Variants in HERC1 observed in about 807,000 individuals in gnomAD.
HERC1 encodes probable E3 ubiquitin-protein ligase HERC1.
In HERC1, 160 loss-of-function variants were observed where a neutral mutation model predicts 554.3. The ratio of observed to expected loss-of-function variants is 0.29; its 90% CI spans 0.25 to 0.33. The LOEUF is 0.33. HERC1 is among the 10% of genes least tolerant of loss of function. HERC1 has a pLI of 1.00. For synonymous variants in HERC1, 2,175 were observed against 2,131.7 expected, an observed-to-expected ratio of 1.02 and a Z score of -0.56; for missense variants, 4,919 against 5,918.5, an observed-to-expected ratio of 0.83 and a Z score of 5.54.
At chr15:63,675,151 C>T (rs751828620) in intron 37 of HERC1, 34 bp from the exon 38 acceptor site, 4 of 1,528,300 alleles carry the variant, frequency 2.6e-6, no homozygotes, top group South Asian at 2.5e-5. Context: ...CAGGAAGAAG[C>T]AAGTGAGGGA....
rs746800086 is a variant in HERC1 at position 63,630,451 on chromosome 15, A to T, written c.12966+15T>A. 1.0e-5 allele frequency: 16 copies of T among 1,603,332 alleles called. No individual in the cohort carries two copies. Among genetic ancestry groups the T allele is most frequent in the Middle Eastern group, 1.7e-4 (1 of 6,008 alleles). ...TCTAGAATATGAGAAAGCAGCAAGCAATATAAATATTTACCTGCCCTTCTG... is the reference window on the plus strand; with the variant it reads ...TCTAGAATATGAGAAAGCAGCAAGCTATATAAATATTTACCTGCCCTTCTG... On this transcript the variant is annotated intron_variant, in intron 69 of 77. Transcript: ENST00000443617.
In HERC1 at chr15:63,756,307, G is replaced by A; in HGVS notation, c.1533+130C>T. On this transcript the variant is annotated intron_variant, in intron 5 of 77. Transcript: ENST00000443617. The surrounding 1 kb of genome is among the most constrained non-coding windows in gnomAD (Gnocchi z 5.0). ...AAGGTGTTCTGTAAACTGTAAAGCAGAGATACAAAAGATTAAGCCAAAGGG... is the reference window on the plus strand; with the variant it reads ...AAGGTGTTCTGTAAACTGTAAAGCAAAGATACAAAAGATTAAGCCAAAGGG... 1.5e-6 allele frequency: 1 copy of A among 687,470 alleles called. No homozygotes were observed. Among genetic ancestry groups the A allele is most frequent in the Non-Finnish European group, 2.6e-6 (1 of 391,766 alleles). 42.6% of individuals were successfully genotyped at this position (687,470 alleles called of 1,614,324 possible).
At position 63,654,291 on chromosome 15, in the gene HERC1, C is replaced by G; in HGVS notation, c.10118G>C (p.Cys3373Ser). The G allele has an allele frequency of 6.2e-7, 1 of 1,613,812 alleles. No homozygotes were observed. Among genetic ancestry groups the G allele is most frequent in the Non-Finnish European group, 8.5e-7 (1 of 1,179,800 alleles). Reference protein sequence around the residue: ...PLELANALAACCLSSRLSSQH... With the variant: ...PLELANALAASCLSSRLSSQH... ...TGAGGACAGCCTGGAGGAGAGGCAGCAGGCTGCCAGGGCATTAGCCAACTC... is the reference window on the plus strand; with the variant it reads ...TGAGGACAGCCTGGAGGAGAGGCAGGAGGCTGCCAGGGCATTAGCCAACTC... The change falls in exon 51 of 78, where the codon TGC (cysteine) becomes TCC (serine). Residue 3373 changes from cysteine (C) to serine (S), a missense_variant. Physicochemically the swap from Cys to Ser is moderately radical, Grantham distance 112. Transcript: ENST00000443617.
intron 1 of HERC1, among the ~76,000 whole-genome samples, chr15:63,805,739 C>T (rs1396713): frequency 0.55 from 83,626 of 151,822 alleles, 24,179 homozygotes; most frequent in African/African-American, 0.65. Context: ...TTGAGGTCAG[C>T]AGTTCAAGAC....
In HERC1 at chr15:63,698,909, G is replaced by C. The variant is rs916575741; in HGVS notation, c.4724C>G (p.Ser1575Cys). ...GGTAAGATCAAAATCTGACTCAAAG[G>C]AATAGGAGGAGTTGCATAACCAGTC... is the stretch of plus-strand genomic sequence containing the variant. ...SRDWLCNSSYSFESDFDLTKS... is the reference protein window; with the variant it reads ...SRDWLCNSSYCFESDFDLTKS... Residue 1575 changes from serine (S) to cysteine (C), a missense_variant, in exon 26 of 78, where the codon TCC becomes TGC. Ser to Cys is a moderately radical substitution (Grantham distance 112, BLOSUM62 -1). Transcript: ENST00000443617. 2.5e-5 allele frequency: 40 copies of C among 1,613,708 alleles called. No homozygotes were observed. Among genetic ancestry groups the C allele is most frequent in the Non-Finnish European group, 3.2e-5 (38 of 1,179,748 alleles).
At chr15:63,690,208 T>G (rs1470138956) in intron 32 of HERC1, among the ~76,000 whole-genome samples, 2 of 149,826 alleles carry the variant, frequency 1.3e-5, no homozygotes, top group African/African-American at 2.5e-5. Flanking sequence ...TATTAGAAAG[T>G]GGGTCCCATT....
At position 63,713,305 on chromosome 15, in the gene HERC1, A is replaced by G. The variant is rs545177639; in HGVS notation, c.4463+48T>C. The G allele has an allele frequency of 1.7e-5, 25 of 1,465,612 alleles. No homozygotes were observed. In the South Asian group the frequency reaches 2.0e-4, roughly 12 times the overall value. The allele number at this position is 1,465,612 out of a possible 1,614,324, so 90.8% of individuals were successfully genotyped here. ...ACAAACCATTTCAGTGCATAAAGTA[A>G]TAAAGGGAAGTGAGTAGGTCATGTT... is the stretch of plus-strand genomic sequence containing the variant. On this transcript the variant is annotated intron_variant, in intron 23 of 77. Transcript: ENST00000443617.
chr15:63,717,873 A>G (rs2073631551), intron 21 of HERC1, among the ~76,000 whole-genome samples: 1 of 152,166 alleles, frequency 6.6e-6, no homozygotes, highest in African/African-American at 2.4e-5. Flanking sequence ...CTGTCTCAAA[A>G]ATAAAATAAA....
intron 76 of HERC1, among the ~76,000 whole-genome samples, chr15:63,614,430 C>G (rs952288776): frequency 6.6e-6 from 1 of 152,210 alleles, no homozygotes. Flanking sequence ...TATTTATTCT[C>G]TGAGGATTAA....
At chr15:63,610,667 A>G (rs1275209137) in intron 77 of HERC1, among the ~76,000 whole-genome samples, 1 of 152,252 alleles carries the variant, frequency 6.6e-6, no homozygotes, top group Non-Finnish European at 1.5e-5. Flanking sequence ...CTAGCCCAGG[A>G]GCAGAGCAGC....
At chr15:63,643,118 A>C (rs1358223567) in intron 58 of HERC1, 60 bp from the exon 59 acceptor site, 20 of 1,146,298 alleles carry the variant, frequency 1.7e-5, no homozygotes, top group Non-Finnish European at 2.3e-5. Context: ...TTTACATTTA[A>C]ATTTCTATTT....
At position 63,678,101 on chromosome 15, in the gene HERC1, C is replaced by G. The variant is rs750660579; in HGVS notation, c.6814G>C (p.Glu2272Gln). 8.7e-6 allele frequency: 14 copies of G among 1,613,804 alleles called. No individual in the cohort carries two copies. ...QSREENEMRE[E>Q]KESKEEEKGK... is the part of the protein sequence containing the mutation. ...TTCTCTTCCTCTTTGCTCTCCTTCT[C>G]CTCTCTCATTTCATTTTCCTCTCGG... is the stretch of plus-strand genomic sequence containing the variant. Residue 2272 changes from glutamate (E) to glutamine (Q), a missense_variant, in exon 37 of 78, where the codon GAG becomes CAG. Transcript: ENST00000443617.
chr15:63,672,711 A>G lies in HERC1; in HGVS notation c.7847-17T>C, dbSNP rs1318860587. On this transcript the variant is annotated splice_polypyrimidine_tract_variant and intron_variant, in intron 38 of 77. Transcript: ENST00000443617. ...GATCAATCTCTAGAAACCAAAAAAA[A>G]GGTTAAGAAAGTAGTAAGGATTTGT... The G allele has an allele frequency of 4.5e-6, 7 of 1,538,476 alleles. No individual in the cohort carries two copies. Among genetic ancestry groups the G allele is most frequent in the Non-Finnish European group, 6.2e-6 (7 of 1,134,146 alleles).
At chr15:63,744,164 G>GTCTCTCTCTCTCTC (rs71464534) in intron 12 of HERC1, among the ~76,000 whole-genome samples, 4 of 46,214 alleles carry the variant, frequency 8.7e-5, no homozygotes, top group Non-Finnish European at 2.1e-4. Flanking sequence ...GTGTGTGTGT[G>GTCTCTCTCTCTCTC]TCTCTCTCTC....
intron 1 of HERC1, among the ~76,000 whole-genome samples, chr15:63,821,726 C>CAAAAAAAAAAAAAAAAAAAAAAAAAAA (rs35074987): frequency 3.2e-5 from 2 of 62,478 alleles, no homozygotes; most frequent in African/African-American, 1.4e-4. Context: ...TACCCTGTCT[C>CAAAAAAAAAAAAAAAAAAAAAAAAAAA]AAAAAAAAAA....
rs1382350322 is a variant in HERC1, at chr15:63,812,157, G to A, written c.-27+21670C>T. On this transcript the variant is annotated intron_variant, in intron 1 of 77. Coordinates refer to ENST00000443617, the MANE Select transcript of HERC1 (RefSeq NM_003922.4). Reference sequence around the variant, plus strand: ...CTTCCTACAAGTAAGAGAAAAGCCAGACAGCAAGATGACAAGTTTACTTAG... The same window carrying A: ...CTTCCTACAAGTAAGAGAAAAGCCAAACAGCAAGATGACAAGTTTACTTAG... 3.3e-5 allele frequency among the ~76,000 whole-genome samples: 5 copies of A among 152,234 alleles called. No individual in the cohort carries two copies. In the Middle Eastern group the frequency reaches 0.014, roughly 417 times the overall value.
chr15:63,757,122 AC>A (rs1378608172), intron 4 of HERC1, among the ~76,000 whole-genome samples: 4 of 152,072 alleles, frequency 2.6e-5, no homozygotes, highest in Non-Finnish European at 4.4e-5. Flanking sequence ...TGTATTCTAA[AC>A]CTATTTGAAA....
intron 3 of HERC1, among the ~76,000 whole-genome samples, chr15:63,762,373 G>A (rs1195658138): frequency 1.3e-5 from 2 of 152,034 alleles, no homozygotes; most frequent in Non-Finnish European, 2.9e-5. Context: ...GCTCAGGCTG[G>A]AGCACAGTGG....
At chr15:63,635,191 G>A (rs1181385694) in intron 65 of HERC1, among the ~76,000 whole-genome samples, 2 of 152,066 alleles carry the variant, frequency 1.3e-5, no homozygotes, top group Non-Finnish European at 2.9e-5. Context: ...GGGACTACAG[G>A]CATGTGCTAC....
Sources: gnomAD v4.1 joint callset for allele counts (sites outside exome capture counted in the v4.1 genomes callset) on GRCh38, gnomAD v4.1.1 for gene constraint, Gnocchi (gnomAD v3.1) non-coding constraint, MANE v1.5 for transcripts, NCBI Gene and HGNC (gene_info 2026-07-23, HGNC 2026-07-21) for gene names.